The following WDPCP variants were observed in gnomAD, a reference collection of about 807,000 sequenced individuals.
WDPCP encodes WD repeat containing planar cell polarity effector, also known as WD repeat-containing and planar cell polarity effector protein fritz homolog.
In WDPCP, 71 loss-of-function variants were observed where a neutral mutation model predicts 93.1. That is an observed-to-expected ratio of 0.76 (90% CI 0.63 to 0.93). The LOEUF is 0.93. Ranked by LOEUF, WDPCP falls within the 40% of genes least tolerant of loss-of-function variation. The probability of loss-of-function intolerance (pLI) is 0.00; values close to 1 mark genes in which losing one functional copy is unlikely to be tolerated. For synonymous variants in WDPCP, 315 were observed against 315.0 expected, an observed-to-expected ratio of 1.00 and a Z score of 0.00; for missense variants, 844 against 887.4, an observed-to-expected ratio of 0.95 and a Z score of 0.62.
intron 12 of WDPCP, among the ~76,000 whole-genome samples, chr2:63,330,331 A>T (rs752111533): frequency 6.6e-6 from 1 of 152,192 alleles, no homozygotes; most frequent in Non-Finnish European, 1.5e-5. Context: ...CCTGATAATT[A>T]GTAATGTCAA....
chr2:63,213,844 C>G lies in WDPCP; in HGVS notation c.1916-39012G>C, dbSNP rs187751926. On this transcript the variant is annotated intron_variant, in intron 14 of 17. Coordinates refer to ENST00000272321, the MANE Select transcript of WDPCP (RefSeq NM_015910.7). ...TACCCTCAGAGAATACTATGAACAC[C>G]TCTACACAAATAAACTGGAAAATCT... 7.8e-4 allele frequency among the ~76,000 whole-genome samples: 118 copies of G among 152,132 alleles called. 1 individual carries two copies. The highest frequency in any genetic ancestry group is 2.7e-3 in the African/African-American group (112 of 41,512).
At chr2:63,575,690 T>C (rs1474590334) in intron 1 of WDPCP, among the ~76,000 whole-genome samples, 1 of 150,568 alleles carries the variant, frequency 6.6e-6, no homozygotes, top group Non-Finnish European at 1.5e-5. Context: ...GTATACTGTA[T>C]ACTACTAAAA....
intron 2 of WDPCP, among the ~76,000 whole-genome samples, chr2:63,764,608 T>C (rs1670112144): frequency 6.6e-6 from 1 of 152,106 alleles, no homozygotes; most frequent in African/African-American, 2.4e-5. Context: ...TGGATTGAAA[T>C]GTGAAAAAAG....
chr2:63,247,336 CCT>C (rs2104687081), intron 14 of WDPCP, among the ~76,000 whole-genome samples: 1 of 152,254 alleles, frequency 6.6e-6, no homozygotes, highest in East Asian at 1.9e-4. Context: ...ACTTAGTTAT[CCT>C]GAACACATTT....
chr2:63,131,074 G>T (rs1285850176), intron 17 of WDPCP, among the ~76,000 whole-genome samples: 2 of 152,002 alleles, frequency 1.3e-5, no homozygotes, highest in East Asian at 3.9e-4. Context: ...TTCAGCTTAT[G>T]TGTTGAATCT....
At chr2:63,717,811 C>T in intron 2 of WDPCP, 1 of 257,486 alleles carries the variant, frequency 3.9e-6, no homozygotes, top group Non-Finnish European at 7.6e-6. Flanking sequence ...GGTATACTGG[C>T]ACAGCACATT....
chr2:63,547,556 T>TACAC (rs1553429504), intron 1 of WDPCP, among the ~76,000 whole-genome samples: 1 of 4,774 alleles, frequency 2.1e-4, no homozygotes, highest in Non-Finnish European at 2.7e-4. Context: ...GTGGTATGTA[T>TACAC]ACACACACAC....
chr2:63,516,019 C>CAA (rs34934162), intron 1 of WDPCP, among the ~76,000 whole-genome samples: 53 of 131,638 alleles, frequency 4.0e-4, no homozygotes, highest in Middle Eastern at 3.9e-3. Context: ...GACTCCATTT[C>CAA]AAAAAAAAAA....
intron 9 of WDPCP, among the ~76,000 whole-genome samples, chr2:63,406,181 TAC>T (rs1198561731): frequency 6.6e-6 from 1 of 152,182 alleles, no homozygotes; most frequent in African/African-American, 2.4e-5. Flanking sequence ...AAATCCATCC[TAC>T]ACCTTATCAC....
At chr2:63,358,342 T>A (rs1690179077) in intron 12 of WDPCP, among the ~76,000 whole-genome samples, 1 of 152,216 alleles carries the variant, frequency 6.6e-6, no homozygotes, top group Non-Finnish European at 1.5e-5. Context: ...CAGCTTTTAT[T>A]TACAGAACAC....
intron 2 of WDPCP, among the ~76,000 whole-genome samples, chr2:63,742,195 T>C (rs1669728422): frequency 6.6e-6 from 1 of 151,942 alleles, no homozygotes. Flanking sequence ...AGTAGCCTGT[T>C]GTTCTTTCTG....
chr2:63,420,661 C>G (rs1036045947), intron 9 of WDPCP, among the ~76,000 whole-genome samples: 1 of 152,136 alleles, frequency 6.6e-6, no homozygotes, highest in African/African-American at 2.4e-5. Context: ...ATGCATACTA[C>G]TACTTCATCA....
chr2:63,716,523 G>A (rs369795457), intron 2 of WDPCP, among the ~76,000 whole-genome samples: 9 of 152,224 alleles, frequency 5.9e-5, no homozygotes, highest in African/African-American at 2.2e-4. Flanking sequence ...GAAAGGAAGT[G>A]TAAGTGCTAT....
At chr2:63,453,205 G>A (rs981434513) in intron 6 of WDPCP, among the ~76,000 whole-genome samples, 5 of 152,156 alleles carry the variant, frequency 3.3e-5, no homozygotes, top group Admixed American at 2.0e-4. Context: ...ATGAAAAAGG[G>A]CTAATATCCA....
At chr2:63,138,677 C>T (rs1670823682) in intron 17 of WDPCP, among the ~76,000 whole-genome samples, 1 of 152,094 alleles carries the variant, frequency 6.6e-6, no homozygotes, top group Non-Finnish European at 1.5e-5. Context: ...TGGTCTCGAT[C>T]TCCTGACCTC....
intron 3 of WDPCP, among the ~76,000 whole-genome samples, chr2:63,604,524 T>G (rs1709490932): frequency 6.6e-6 from 1 of 152,242 alleles, no homozygotes; most frequent in East Asian, 1.9e-4. Context: ...TAAGCTGTTG[T>G]AGGAAATTGC....
At chr2:63,837,757 TAAAA>T in the WDPCP span, among the ~76,000 whole-genome samples, 1 of 152,218 alleles carries the variant, frequency 6.6e-6, no homozygotes, top group African/African-American at 2.4e-5. Context: ...AACTGAAACT[TAAAA>T]AACGTTATCT....
chr2:63,422,663 G>A (rs1340467345), intron 9 of WDPCP, among the ~76,000 whole-genome samples: 1 of 152,098 alleles, frequency 6.6e-6, no homozygotes, highest in Admixed American at 6.6e-5. Flanking sequence ...ACATTGAATA[G>A]CTGCTAACAT....
At chr2:63,707,654 G>T (rs1669186052) in intron 2 of WDPCP, among the ~76,000 whole-genome samples, 1 of 152,186 alleles carries the variant, frequency 6.6e-6, no homozygotes, top group African/African-American at 2.4e-5. Flanking sequence ...GTCCAGCTTT[G>T]TTCCGTTGCT....
Sources: gnomAD v4.1 joint callset for allele counts (sites outside exome capture counted in the v4.1 genomes callset) on GRCh38, gnomAD v4.1.1 for gene constraint, MANE v1.5 for transcripts, NCBI Gene and HGNC (gene_info 2026-07-23, HGNC 2026-07-21) for gene names.